GAK: variants seen among roughly 807,000 people sequenced by gnomAD.
GAK encodes cyclin G associated kinase.
In GAK, 79 loss-of-function variants were observed where a neutral mutation model predicts 143.9. The ratio of observed to expected loss-of-function variants is 0.55; its 90% CI spans 0.46 to 0.66. GAK has a LOEUF of 0.66. GAK is among the 30% of genes least tolerant of loss of function. GAK has a pLI of 0.00. For synonymous variants in GAK, 881 were observed against 765.5 expected (o/e 1.15, Z -2.49); for missense variants, 1,693 against 1,779.7 (o/e 0.95, Z 0.88).
At chr4:868,259 T>C (rs1711510202) in intron 20 of GAK, among the ~76,000 whole-genome samples, 1 of 152,124 alleles carries the variant, frequency 6.6e-6, no homozygotes, top group African/African-American at 2.4e-5. Flanking sequence ...TGGCCCATGC[T>C]GCCAGCCTCC....
intron 1 of GAK, among the ~76,000 whole-genome samples, chr4:918,394 GGA>G (rs1331368250): frequency 2.6e-5 from 4 of 152,146 alleles, no homozygotes; most frequent in Admixed American, 2.0e-4. Flanking sequence ...AAGAAAGCTA[GGA>G]AAATTAATAA....
At position 882,863 on chromosome 4, in the gene GAK, G is replaced by A. The variant is rs201069031; in HGVS notation, c.1405-44C>T. On this transcript the variant is annotated intron_variant, in intron 13 of 27. Coordinates refer to ENST00000314167, the MANE Select transcript of GAK (RefSeq NM_005255.4). ...GTGGCACGGACGGCAGAGGAGCCCC[G>A]CCCCAGCCTTGGTCAGCTAGGAGGG... 33 of 1,593,748 alleles carry A rather than the reference G, an allele frequency of 2.1e-5. No homozygotes were observed. The East Asian group carries it at 4.0e-4, about 19-fold the overall frequency.
chr4:931,070 C>A (rs1289418166), intron 1 of GAK, among the ~76,000 whole-genome samples: 1 of 152,222 alleles, frequency 6.6e-6, no homozygotes, highest in East Asian at 1.9e-4. Context: ...AACTTCACAG[C>A]CAGTGAAATA....
intron 3 of GAK, 49 bp from the exon 4 acceptor site, chr4:911,836 C>T: frequency 7.4e-7 from 1 of 1,346,966 alleles, no homozygotes; most frequent in South Asian, 1.2e-5. Flanking sequence ...GTCCACAGTT[C>T]TGTGCACTTC....
chr4:890,435 G>A, intron 10 of GAK, 97 bp downstream of exon 10: 1 of 862,484 alleles, frequency 1.2e-6, no homozygotes, highest in Non-Finnish European at 1.8e-6. Context: ...GGAGGCCCCG[G>A]GAGAGAAGGA....
In GAK at chr4:868,656, A is replaced by G; in HGVS notation, c.2278T>C (p.Ser760Pro). 1.3e-6 allele frequency: 2 copies of G among 1,556,900 alleles called. No homozygotes were observed. Among genetic ancestry groups the G allele is most frequent in the Non-Finnish European group, 1.7e-6 (2 of 1,150,688 alleles). The change falls in exon 20 of 28, where the codon TCC becomes CCC. Residue 760 changes from serine to proline, a missense_variant. Transcript: ENST00000314167. ...GCCCCAGCATCATACTGAGCCGTGG[A>G]GCCAGGCTGCCGGGGAAGCTCCGGC... is the stretch of plus-strand genomic sequence containing the variant. Reference protein sequence around the residue: ...GKPELPRQPGSTAQYDAGAGS... With the variant: ...GKPELPRQPGPTAQYDAGAGS...
chr4:883,549 C>T, intron 12 of GAK, 86 bp from the exon 13 acceptor site: 1 of 1,498,374 alleles, frequency 6.7e-7, no homozygotes, highest in South Asian at 1.2e-5. Context: ...TCCTGACGCC[C>T]CCGGGCAAGC....
In GAK at chr4:885,210, C is replaced by G. The variant is rs781277138; in HGVS notation, c.1206-1124G>C. Among the ~76,000 whole-genome samples, 4 of 152,304 alleles carry G rather than the reference C, an allele frequency of 2.6e-5. No individual in the cohort carries two copies. In the East Asian group the frequency reaches 7.7e-4, roughly 29 times the overall value. On this transcript the variant is annotated intron_variant, in intron 11 of 27. Coordinates refer to ENST00000314167, the MANE Select transcript of GAK (RefSeq NM_005255.4). ...GCACGGTGAGCCTGACGCTTGGCCACTTTTGCAGCAAGAGACAAACAGGCC... is the reference window on the plus strand; with the variant it reads ...GCACGGTGAGCCTGACGCTTGGCCAGTTTTGCAGCAAGAGACAAACAGGCC...
Position 868,698 on chromosome 4 carries a change from GAGGGCGTC to G in GAK, c.2249-21_2249-14del. ...AGCTCCGGCTTCCCTGCAGGAGAGG[GAGGGCGTC>G]AGGGCACTGGCACTGGCCAGCAGCC... On this transcript the variant is annotated splice_polypyrimidine_tract_variant and intron_variant, in intron 19 of 27. Coordinates refer to ENST00000314167, the MANE Select transcript of GAK (RefSeq NM_005255.4). 6.5e-7 allele frequency: 1 copy of G among 1,546,998 alleles called. No homozygotes were observed. The highest frequency in any genetic ancestry group is 8.7e-7 in the Non-Finnish European group (1 of 1,146,298).
rs146942840 is a variant in GAK, at chr4:885,021, C to G, written c.1206-935G>C. On this transcript the variant is annotated intron_variant, in intron 11 of 27. Transcript: ENST00000314167. Reference sequence around the variant, plus strand: ...GGTGCTGACATAGGATGCGGGTCTTCCGTGCGTTCAAACGTTTTAAAAGCC... The same window carrying G: ...GGTGCTGACATAGGATGCGGGTCTTGCGTGCGTTCAAACGTTTTAAAAGCC... 1.4e-3 allele frequency among the ~76,000 whole-genome samples: 210 copies of G among 151,896 alleles called. 1 individual carries two copies. The highest frequency in any genetic ancestry group is 4.8e-3 in the African/African-American group (198 of 41,542).
chr4:859,482 G>A (rs1023536768), intron 24 of GAK, 124 bp downstream of exon 24: 34 of 1,601,012 alleles, frequency 2.1e-5, no homozygotes, highest in Non-Finnish European at 2.9e-5. Context: ...ACTGTGCTCT[G>A]GGCTTGGGGG....
chr4:871,013 G>A (rs1230373941), intron 18 of GAK, 109 bp from the exon 19 acceptor site: 15 of 997,838 alleles, frequency 1.5e-5, no homozygotes, highest in African/African-American at 4.9e-5. Context: ...TGCAGGCAGC[G>A]GGGCGAGAAC....
rs1190316824 is a variant in GAK at position 867,329 on chromosome 4, T to C, written c.2499A>G (p.Gly833=). ...CCTGGCCCTCGCTGGAGATCGGGGA[T>C]CCCCCTTCATCTGACACCTCACTCT... is the stretch of plus-strand genomic sequence containing the variant. ...RDESEVSDEG[G]SPISSEGQEP... The change falls in exon 21 of 28, where the codon GGA becomes GGG. Residue 833 remains glycine (G), a synonymous_variant. Coordinates refer to ENST00000314167, the MANE Select transcript of GAK (RefSeq NM_005255.4). 6.2e-6 allele frequency: 10 copies of C among 1,609,118 alleles called. No homozygotes were observed. The highest frequency in any genetic ancestry group is 1.3e-5 in the African/African-American group (1 of 74,832).
Position 862,562 on chromosome 4 carries a change from G to A in GAK, c.3166+2560C>T, listed in dbSNP as rs112264447. Among the ~76,000 whole-genome samples the A allele has an allele frequency of 2.8e-3, 419 of 152,206 alleles. 3 individuals are homozygous for A. Among genetic ancestry groups the A allele is most frequent in the African/African-American group, 9.8e-3 (407 of 41,522 alleles). On this transcript the variant is annotated intron_variant, in intron 23 of 27. Transcript: ENST00000314167. The stretch of plus-strand genomic sequence containing the variant: ...AGTCCCAGCTACTTGGGAGGCTGAG[G>A]CAGGAGAATGGTGTCAACCCGGGAG...
intron 8 of GAK, 23 bp downstream of exon 8, chr4:893,847 CCACG>C: frequency 6.4e-7 from 1 of 1,557,518 alleles, no homozygotes; most frequent in East Asian, 2.3e-5. Flanking sequence ...GGGTCCTGCC[CCACG>C]CACGCATTCC....
intron 6 of GAK, among the ~76,000 whole-genome samples, chr4:897,148 G>A (rs1560388990): frequency 3.3e-5 from 5 of 152,326 alleles, no homozygotes; most frequent in East Asian, 3.9e-4. Flanking sequence ...GAGCTGTGAG[G>A]AGACAGTGAA....
intron 11 of GAK, among the ~76,000 whole-genome samples, chr4:885,486 G>C (rs1716132654): frequency 6.6e-6 from 1 of 152,202 alleles, no homozygotes; most frequent in Non-Finnish European, 1.5e-5. Context: ...GAGTGCCACA[G>C]GATCCACGCA....
At chr4:859,783 G>T in intron 23 of GAK, 61 bp from the exon 24 acceptor site, 1 of 1,237,804 alleles carries the variant, frequency 8.1e-7, no homozygotes, top group Non-Finnish European at 1.1e-6. Flanking sequence ...CATCCTCCTG[G>T]GACCTCCGAT....
At chr4:912,035 C>G in intron 3 of GAK, 1 of 499,912 alleles carries the variant, frequency 2.0e-6, no homozygotes, top group Middle Eastern at 4.0e-4. Context: ...CACACCTGAC[C>G]ACAGCGACAC....
Sources: gnomAD v4.1 joint callset for allele counts (sites outside exome capture counted in the v4.1 genomes callset) on GRCh38, gnomAD v4.1.1 for gene constraint, MANE v1.5 for transcripts, NCBI Gene and HGNC (gene_info 2026-07-23, HGNC 2026-07-21) for gene names.